TCF3: variants seen among roughly 807,000 people sequenced by gnomAD.
TCF3 encodes the protein transcription factor E2-alpha.
In TCF3, 54 loss-of-function variants were observed where a neutral mutation model predicts 72.3. The ratio of observed to expected loss-of-function variants is 0.75; its 90% confidence interval spans 0.60 to 0.94. The LOEUF is 0.94. TCF3 is among the 40% of genes least tolerant of loss of function. The pLI, the probability that TCF3 is intolerant of heterozygous loss-of-function variation, is 0.00. For synonymous variants in TCF3, 525 were observed against 412.6 expected (o/e 1.27, Z -3.30); for missense variants, 1,078 against 934.4 (o/e 1.15, Z -2.00).
At chr19:1,623,740 A>C (rs1172066492) in intron 8 of TCF3, among the ~76,000 whole-genome samples, 1 of 152,102 alleles carries the variant, frequency 6.6e-6, no homozygotes, top group East Asian at 1.9e-4. Context: ...CTCTCAAAAC[A>C]AGACAGACAG....
intron 11 of TCF3, 132 bp downstream of exon 11, chr19:1,621,706 C>T (rs2146114061): frequency 1.6e-6 from 2 of 1,253,560 alleles, no homozygotes; most frequent in South Asian, 1.6e-5. Context: ...ACAATGAGAA[C>T]TGACAACAAC....
rs183061850 is a variant in TCF3, at chr19:1,644,679, G to A, written c.145+1676C>T. Among the ~76,000 whole-genome samples the A allele has an allele frequency of 1.8e-3, 275 of 152,234 alleles. 3 individuals carry two copies. Among genetic ancestry groups the A allele is most frequent in the Non-Finnish European group, 3.0e-3 (203 of 67,988 alleles). On this transcript the variant is annotated intron_variant, in intron 3 of 18. Transcript: ENST00000262965. ...GCGTCCAGGGAGAGGCAACCCAGAG[G>A]GAGCATTCTCAGGTCCACACGGCCT...
Position 1,623,970 on chromosome 19 carries a change from GGGACCTTCC to G in TCF3, c.521_529del (p.Arg174_Val176del), listed in dbSNP as rs1419517126. On this transcript the variant is annotated inframe_deletion, in exon 8 of 19. Transcript: ENST00000262965. ...ACTCACCGAGGATGGAAGACCCGGC[GGGACCTTCC>G]GGACCTTCTTGGGCTGCGTGTCTGT... 6.2e-7 allele frequency: 1 copy of G among 1,613,394 alleles called. No individual in the cohort carries two copies. The highest frequency in any genetic ancestry group is 8.5e-7 in the Non-Finnish European group (1 of 1,179,972).
intron 3 of TCF3, among the ~76,000 whole-genome samples, chr19:1,639,440 G>A (rs1290106463): frequency 2.0e-5 from 3 of 152,056 alleles, no homozygotes; most frequent in Admixed American, 6.5e-5. Flanking sequence ...ATCTAAATAC[G>A]TCAACAGAGA....
intron 3 of TCF3, among the ~76,000 whole-genome samples, chr19:1,634,390 C>T (rs2064118272): frequency 6.6e-6 from 1 of 152,250 alleles, no homozygotes; most frequent in African/African-American, 2.4e-5. Flanking sequence ...GGGCACCTTC[C>T]TGCCCTGGGC....
At chr19:1,620,848 C>T (rs1337494162) in intron 13 of TCF3, 120 bp downstream of exon 13, 4 of 1,035,714 alleles carry the variant, frequency 3.9e-6, no homozygotes, top group Non-Finnish European at 5.2e-6. Context: ...CCTATCCCAG[C>T]AAGGTGCAGA....
At position 1,621,188 on chromosome 19, in the gene TCF3, G is replaced by A; in HGVS notation, c.959C>T (p.Ser320Phe). The change falls in exon 12 of 19, where the codon TCC (serine) becomes TTC (phenylalanine). Residue 320 changes from serine (S) to phenylalanine (F), a missense_variant. Ser to Phe is a radical substitution (Grantham distance 155). Transcript: ENST00000262965. ...GGAGCTGCCAGCTGTGGTCCCTCGG[G>A]AGCCTGTGGGTGAAGAGAGGTGAGG... ...PVSGADSLLG[S>F]RGTTAGSSGD... 1 of 1,536,134 alleles carries A rather than the reference G, an allele frequency of 6.5e-7. No homozygotes were observed. The highest frequency in any genetic ancestry group is 8.7e-7 in the Non-Finnish European group (1 of 1,146,136).
At chr19:1,618,983 C>A in intron 16 of TCF3, 128 bp downstream of exon 16, 1 of 1,471,752 alleles carries the variant, frequency 6.8e-7, no homozygotes, top group Non-Finnish European at 9.1e-7. Context: ...CTGACTGGGG[C>A]GCCCATGTCA....
At chr19:1,651,232 T>A (rs1182138361) in intron 1 of TCF3, 5 of 227,488 alleles carry the variant, frequency 2.2e-5, no homozygotes, top group Middle Eastern at 1.3e-3. Context: ...CAGTCTCGAC[T>A]TTCCCCAGGG....
At position 1,619,843 on chromosome 19, in the gene TCF3, C is replaced by G; in HGVS notation, c.1104G>C (p.Gln368His). The change falls in exon 14 of 19, where the codon CAG (glutamine) becomes CAC (histidine). Residue 368 changes from glutamine to histidine, a missense_variant. Physicochemically the swap from Gln to His is conservative, Grantham distance 24 (BLOSUM62 0). Coordinates refer to ENST00000262965, the MANE Select transcript of TCF3 (RefSeq NM_003200.5). The part of the protein sequence containing the change: ...GSPQGLAGTS[Q>H]WPRAGAPGAL... ...CACCGGGGGCTCCTGCTCGAGGCCACTGTGACGTTCCTGGAAGGGAGTGGG... is the reference window on the plus strand; with the variant it reads ...CACCGGGGGCTCCTGCTCGAGGCCAGTGTGACGTTCCTGGAAGGGAGTGGG... The G allele has an allele frequency of 6.3e-7, 1 of 1,578,056 alleles. No homozygotes were observed. The highest frequency in any genetic ancestry group is 8.6e-7 in the Non-Finnish European group (1 of 1,162,842).
intron 13 of TCF3, among the ~76,000 whole-genome samples, 190 bp downstream of exon 13, chr19:1,620,778 G>A (rs1264715254): frequency 2.0e-5 from 3 of 152,178 alleles, no homozygotes; most frequent in East Asian, 1.9e-4. Context: ...TTCCACCGTC[G>A]GTTCCTGACC....
In TCF3 at chr19:1,610,090, GC is replaced by G. The variant is rs1366350539; in HGVS notation, c.*1616del. ...AGTTTTAAACCCAAGACAGTCCCCAGCCAGCTGGGAAGAGCTGGTTACCCTC... is the reference window on the plus strand; with the variant it reads ...AGTTTTAAACCCAAGACAGTCCCCAGCAGCTGGGAAGAGCTGGTTACCCTC... On this transcript the variant is annotated 3_prime_UTR_variant, in exon 19 of 19. Coordinates refer to ENST00000262965, the MANE Select transcript of TCF3 (RefSeq NM_003200.5). The G allele has an allele frequency of 2.6e-5, 6 of 232,736 alleles. No individual in the cohort carries two copies. The highest frequency in any genetic ancestry group is 8.8e-5 in the African/African-American group (4 of 45,300). The allele number at this position is 232,736 out of a possible 1,614,324, so 14.4% of individuals were successfully genotyped here. A position where few individuals can be genotyped will look rare whatever the true frequency, so the allele number is the denominator to read the frequency against.
At chr19:1,651,620 G>A (rs1244477755) in intron 1 of TCF3, among the ~76,000 whole-genome samples, 1 of 152,146 alleles carries the variant, frequency 6.6e-6, no homozygotes, top group African/African-American at 2.4e-5. Flanking sequence ...AAGCCACTTT[G>A]CACGGCGCCG....
Position 1,611,733 on chromosome 19 carries a change from C to T in TCF3, c.1939G>A (p.Ala647Thr). The T allele has an allele frequency of 6.2e-7, 1 of 1,613,636 alleles. No homozygotes were observed. Among genetic ancestry groups the T allele is most frequent in the Non-Finnish European group, 8.5e-7 (1 of 1,179,898 alleles). Reference protein sequence around the residue: ...LSAPHPGLSEAHNPAGHM With the variant: ...LSAPHPGLSETHNPAGHM Reference sequence around the variant, plus strand: ...CACATGTGCCCGGCGGGGTTGTGGGCTTCGCTCAGGCCTGGGTGGGGAGCT... The same window carrying T: ...CACATGTGCCCGGCGGGGTTGTGGGTTTCGCTCAGGCCTGGGTGGGGAGCT... Residue 647 changes from alanine to threonine, a missense_variant, in exon 19 of 19, where the codon GCC becomes ACC. Ala to Thr is a moderately conservative substitution (Grantham distance 58). Coordinates refer to ENST00000262965, the MANE Select transcript of TCF3 (RefSeq NM_003200.5).
At chr19:1,640,464 TA>T (rs975791811) in intron 3 of TCF3, among the ~76,000 whole-genome samples, 3 of 152,188 alleles carry the variant, frequency 2.0e-5, no homozygotes, top group African/African-American at 7.2e-5. Flanking sequence ...CCTATTTCGC[TA>T]ACCTGTTAGA....
chr19:1,648,709 T>C (rs1023127823), intron 2 of TCF3, among the ~76,000 whole-genome samples: 4 of 152,200 alleles, frequency 2.6e-5, no homozygotes, highest in African/African-American at 9.6e-5. Flanking sequence ...TGGGGACTTT[T>C]GTTTTTGACA....
Position 1,614,457 on chromosome 19 carries a change from C to G in TCF3, c.1822+828G>C, listed in dbSNP as rs996668338. 6.6e-6 allele frequency among the ~76,000 whole-genome samples: 1 copy of G among 152,084 alleles called. No individual in the cohort carries two copies. Among genetic ancestry groups the G allele is most frequent in the East Asian group, 1.9e-4 (1 of 5,164 alleles). ...CTGCCACGGGAAGCAGAGGGACGGA[C>G]GGGCGGGATGGAGGGGAGGGCGGAA... On this transcript the variant is annotated intron_variant, in intron 18 of 18. Transcript: ENST00000262965. This position sits in a 1 kb window ranked among gnomAD's most constrained non-coding sequence, Gnocchi z 5.6.
intron 3 of TCF3, among the ~76,000 whole-genome samples, chr19:1,634,374 C>T (rs1317298594): frequency 2.6e-5 from 4 of 152,192 alleles, no homozygotes; most frequent in Non-Finnish European, 4.4e-5. Flanking sequence ...GAGTTTTACC[C>T]GGGAAGGGCA....
At chr19:1,632,544 C>T (rs2063836227) in intron 3 of TCF3, 139 bp from the exon 4 acceptor site, 7 of 807,916 alleles carry the variant, frequency 8.7e-6, no homozygotes, top group Non-Finnish European at 1.2e-5. Flanking sequence ...TCACCCAGCC[C>T]GACTCATGAG....
Sources: gnomAD v4.1 joint callset for allele counts (sites outside exome capture counted in the v4.1 genomes callset) on GRCh38, gnomAD v4.1.1 for gene constraint, Gnocchi (gnomAD v3.1) non-coding constraint, MANE v1.5 for transcripts, NCBI Gene and HGNC (gene_info 2026-07-23, HGNC 2026-07-21) for gene names.